JMJD1C: variants seen among roughly 807,000 people sequenced by gnomAD.
The protein encoded by JMJD1C is jumonji domain-containing protein 1C.
JMJD1C carries 31 observed loss-of-function variants against 245.3 expected under a neutral mutation model. That is an observed-to-expected ratio of 0.13 (90% CI 0.09 to 0.17). The LOEUF (loss-of-function observed/expected upper bound fraction) is 0.17. JMJD1C is among the 10% of genes least tolerant of loss of function. The pLI, the probability that JMJD1C is intolerant of heterozygous loss-of-function variation, is 1.00. For missense variants in JMJD1C, 2,691 were observed against 3,000.2 expected (o/e 0.90, Z 2.41); for synonymous variants, 1,057 against 1,017.4 (o/e 1.04, Z -0.74).
chr10:63,288,322 A>T (rs1182732093), intron 2 of JMJD1C, among the ~76,000 whole-genome samples: 1 of 152,224 alleles, frequency 6.6e-6, no homozygotes, highest in Non-Finnish European at 1.5e-5. Flanking sequence ...ATAGCTTAAT[A>T]GCACATTTCT....
chr10:63,209,910 GA>G (rs1847121673), intron 8 of JMJD1C, among the ~76,000 whole-genome samples: 1 of 152,034 alleles, frequency 6.6e-6, no homozygotes, highest in African/African-American at 2.4e-5. Context: ...CATGCTTAAG[GA>G]TTTTTCTATA....
At chr10:63,479,463 A>C (rs1953764370) in intron 1 of JMJD1C, among the ~76,000 whole-genome samples, 1 of 152,210 alleles carries the variant, frequency 6.6e-6, no homozygotes, top group Non-Finnish European at 1.5e-5. Flanking sequence ...CCATACTCAA[A>C]TGTCCTCAAT....
chr10:63,171,140 G>A (rs1479959669), intron 24 of JMJD1C, among the ~76,000 whole-genome samples: 1 of 151,470 alleles, frequency 6.6e-6, no homozygotes, highest in Admixed American at 6.6e-5. Context: ...ATCAAAGTTA[G>A]TATTTTTCGA....
chr10:63,238,429 A>T (rs1384137274), intron 3 of JMJD1C, among the ~76,000 whole-genome samples: 4 of 152,150 alleles, frequency 2.6e-5, no homozygotes, highest in Non-Finnish European at 4.4e-5. Context: ...GTTTATCTTT[A>T]AAAAAGGAGT....
In JMJD1C at chr10:63,489,596, G is replaced by A. The variant is rs182775344; in HGVS notation, n.113+32142C>T. The A allele has an allele frequency of 2.0e-3, 323 of 158,004 alleles. 2 individuals are homozygous for A. Among genetic ancestry groups the A allele is most frequent in the African/African-American group, 7.3e-3 (306 of 41,638 alleles). 9.8% of individuals were successfully genotyped at this position (158,004 alleles called of 1,614,324 possible). A position where few individuals can be genotyped will look rare whatever the true frequency, so the allele number is the denominator to read the frequency against. Reference sequence around the variant, plus strand: ...AGGAAAAGTACTGCAAGCAAGAGGAGTAACTGTTGGATGGGGGTCTAAAAG... The same window carrying A: ...AGGAAAAGTACTGCAAGCAAGAGGAATAACTGTTGGATGGGGGTCTAAAAG... On this transcript the variant is annotated intron_variant and non_coding_transcript_variant, in intron 1 of 3. Coordinates refer to the JMJD1C transcript ENST00000633035.
chr10:63,392,263 C>T (rs1182580805), intron 1 of JMJD1C, among the ~76,000 whole-genome samples: 1 of 152,070 alleles, frequency 6.6e-6, no homozygotes, highest in Non-Finnish European at 1.5e-5. Flanking sequence ...AACTATAAAA[C>T]TACTAGAAGA....
rs1843743465 is a variant in JMJD1C, at chr10:63,183,635, TCCC to T, written c.6962-69_6962-67del. 6.4e-6 allele frequency: 6 copies of T among 943,324 alleles called. No individual in the cohort carries two copies. The South Asian group carries it at 6.5e-5, about 10-fold the overall frequency. The allele number at this position is 943,324 out of a possible 1,614,324, so 58.4% of individuals were successfully genotyped here. A position where few individuals can be genotyped will look rare whatever the true frequency, so the allele number is the denominator to read the frequency against. ...TATATGTAATAGCATAATCAGATAT[TCCC>T]CCAAATTAGCTCGATCTGCATAATT... On this transcript the variant is annotated intron_variant, in intron 21 of 25. Transcript: ENST00000399262.
intron 2 of JMJD1C, among the ~76,000 whole-genome samples, chr10:63,369,611 T>C (rs1946135549): frequency 6.6e-6 from 1 of 152,224 alleles, no homozygotes; most frequent in African/African-American, 2.4e-5. Flanking sequence ...TATTCAACAC[T>C]GGCTCCTCCC....
At chr10:63,435,909 A>T (rs554873489) in intron 1 of JMJD1C, among the ~76,000 whole-genome samples, 1 of 152,286 alleles carries the variant, frequency 6.6e-6, no homozygotes, top group East Asian at 1.9e-4. Context: ...AAACAAACAA[A>T]CTAAAAAAGA....
At chr10:63,335,216 T>A (rs1161375896) in intron 2 of JMJD1C, among the ~76,000 whole-genome samples, 1 of 151,990 alleles carries the variant, frequency 6.6e-6, no homozygotes, top group East Asian at 1.9e-4. Context: ...TCTGTCAAAG[T>A]GCCTCTGAAT....
intron 2 of JMJD1C, among the ~76,000 whole-genome samples, chr10:63,342,280 G>A (rs1304270827): frequency 6.6e-6 from 1 of 152,210 alleles, no homozygotes; most frequent in Admixed American, 6.5e-5. Flanking sequence ...GCCTATGCAT[G>A]ACATGGTAAA....
chr10:63,257,241 A>AG (rs1312944229), intron 3 of JMJD1C, among the ~76,000 whole-genome samples: 21 of 151,696 alleles, frequency 1.4e-4, no homozygotes, highest in Admixed American at 4.6e-4. Flanking sequence ...AAAAAAAAAA[A>AG]AAAGAAAGAA....
intron 1 of JMJD1C, chr10:63,521,518 C>A (rs1214215937): frequency 2.1e-6 from 3 of 1,408,186 alleles, no homozygotes; most frequent in Non-Finnish European, 2.8e-6. Context: ...CCACCCGCCC[C>A]GGACGTGGGG....
At chr10:63,496,706 C>T (rs1954376961) in intron 1 of JMJD1C, among the ~76,000 whole-genome samples, 1 of 152,200 alleles carries the variant, frequency 6.6e-6, no homozygotes, top group Non-Finnish European at 1.5e-5. Context: ...ATGACCCCAC[C>T]TAATGCCATG....
chr10:63,325,514 C>T (rs558108417), intron 2 of JMJD1C, among the ~76,000 whole-genome samples: 2 of 152,198 alleles, frequency 1.3e-5, no homozygotes, highest in Admixed American at 6.5e-5. Flanking sequence ...CTAATTCCTC[C>T]GACAGTGTTT....
rs374404040 is a variant in JMJD1C at position 63,392,867 on chromosome 10, A to AACACACACACAAACACACAC, written c.169-12386_169-12385insGTGTGTGTTTGTGTGTGTGT. On this transcript the variant is annotated intron_variant, in intron 1 of 25. Coordinates refer to ENST00000399262, the MANE Select transcript of JMJD1C (RefSeq NM_032776.3). ...AAAAAGGTGGGCAAAAAAGTACATA[A>AACACACACACAAACACACAC]ACACACACACACACACACACACACA... Among the ~76,000 whole-genome samples the AACACACACACAAACACACAC allele has an allele frequency of 2.8e-4, 31 of 112,280 alleles. No homozygotes were observed. In the East Asian group the frequency reaches 7.7e-3, roughly 28 times the overall value. The allele number at this position is 112,280 out of a possible 152,430, so 73.7% of individuals were successfully genotyped here.
At chr10:63,376,868 C>T (rs6479897) in intron 2 of JMJD1C, among the ~76,000 whole-genome samples, 101,195 of 152,046 alleles carry the variant, frequency 0.67, 36,262 homozygotes, top group Non-Finnish European at 0.81. Context: ...TATGAAAGTG[C>T]CTCAAAAAAT....
rs189796464 is a variant in JMJD1C at position 63,304,520 on chromosome 10, T to C, written c.334-39756A>G. On this transcript the variant is annotated intron_variant, in intron 2 of 25. Coordinates refer to ENST00000399262, the MANE Select transcript of JMJD1C (RefSeq NM_032776.3). ...AAAAGACGTGGGATTTAATTAAACATTCATATTAATAAACTCTTGTTTTTT... is the reference window on the plus strand; with the variant it reads ...AAAAGACGTGGGATTTAATTAAACACTCATATTAATAAACTCTTGTTTTTT... 3.7e-4 allele frequency among the ~76,000 whole-genome samples: 57 copies of C among 152,338 alleles called. 1 individual carries two copies. Among genetic ancestry groups the C allele is most frequent in the African/African-American group, 1.3e-3 (54 of 41,578 alleles).
At chr10:63,271,182 CTTTTT>C (rs769083228) in intron 2 of JMJD1C, among the ~76,000 whole-genome samples, 3 of 150,590 alleles carry the variant, frequency 2.0e-5, no homozygotes, top group Non-Finnish European at 3.0e-5. Context: ...TTTTTCTTTT[CTTTTT>C]TTTTCTGAGA....
Sources: allele counts gnomAD v4.1 joint callset (sites outside exome capture counted in the v4.1 genomes callset), GRCh38; gene constraint gnomAD v4.1.1; transcripts MANE v1.5; gene names NCBI Gene and HGNC (gene_info 2026-07-23, HGNC 2026-07-21).